The following PROS1 variants were observed in gnomAD, a reference collection of about 807,000 sequenced individuals.
PROS1 encodes the protein protein S, also known as vitamin K-dependent protein S.
PROS1 carries 29 observed loss-of-function variants against 75.9 expected under a neutral mutation model. The ratio of observed to expected loss-of-function variants is 0.38; its 90% CI spans 0.28 to 0.52. PROS1 has a LOEUF of 0.52. Among genes scored for constraint, PROS1 ranks in the 20% least tolerant of loss-of-function variants. PROS1 has a pLI of 0.83. For synonymous variants in PROS1, 245 were observed against 280.6 expected (o/e 0.87, Z 1.27); for missense variants, 680 against 810.3 (o/e 0.84, Z 1.95).
intron 1 of PROS1, among the ~76,000 whole-genome samples, chr3:93,938,232 G>T (rs1489847257): frequency 6.6e-6 from 1 of 152,020 alleles, no homozygotes; most frequent in African/African-American, 2.4e-5. Context: ...CCCCCATTGA[G>T]CACCTTGTAA....
At chr3:93,907,128 C>T (rs1708688258) in intron 4 of PROS1, among the ~76,000 whole-genome samples, 1 of 152,242 alleles carries the variant, frequency 6.6e-6, no homozygotes. Context: ...GCTACCAGTC[C>T]TGCTGACTGA....
At chr3:93,952,841 TA>T (rs1038943500) in intron 1 of PROS1, among the ~76,000 whole-genome samples, 1 of 151,824 alleles carries the variant, frequency 6.6e-6, no homozygotes, top group Non-Finnish European at 1.5e-5. Context: ...GTGAGACTAA[TA>T]AAGAAGAAAA....
intron 2 of PROS1, among the ~76,000 whole-genome samples, chr3:93,926,180 A>G (rs1709013436): frequency 6.6e-6 from 1 of 152,228 alleles, no homozygotes; most frequent in Non-Finnish European, 1.5e-5. Context: ...AAATAGGTAA[A>G]ACAAGAATGG....
At chr3:93,926,716 C>G (rs143321264) in intron 2 of PROS1, among the ~76,000 whole-genome samples, 1 of 152,230 alleles carries the variant, frequency 6.6e-6, no homozygotes, top group Non-Finnish European at 1.5e-5. Context: ...CATGCGTGCG[C>G]GCGCACACGC....
At chr3:93,968,084 A>G (rs1214152680) in intron 1 of PROS1, 2 of 152,198 alleles carry the variant, frequency 1.3e-5, no homozygotes, top group Non-Finnish European at 2.9e-5. Context: ...TAAAGGGAAA[A>G]AGGAAAGAAG....
At chr3:93,946,165 C>T (rs1431562010) in intron 1 of PROS1, among the ~76,000 whole-genome samples, 1 of 152,142 alleles carries the variant, frequency 6.6e-6, no homozygotes, top group African/African-American at 2.4e-5. Context: ...AGGATACAAA[C>T]AAATGGAAGA....
intron 1 of PROS1, among the ~76,000 whole-genome samples, chr3:93,955,186 G>A (rs1709578309): frequency 6.6e-6 from 1 of 152,190 alleles, no homozygotes; most frequent in Non-Finnish European, 1.5e-5. Flanking sequence ...CAAGGATCTA[G>A]AACTAGAAAT....
chr3:93,893,023 A>G lies in PROS1; in HGVS notation c.1065T>C (p.Arg355=). The change falls in exon 10 of 15, where the codon CGT becomes CGC. Residue 355 remains arginine (R), a synonymous_variant. Coordinates refer to ENST00000394236, the MANE Select transcript of PROS1 (RefSeq NM_000313.4). ...TAAGCTGAACTTCAATCTTTCCACC[A>G]CGAAGTGCAATCAGGAGCCACGCTG... is the stretch of plus-strand genomic sequence containing the variant. ...DHSAWLLIAL[R]GGKIEVQLKN... 6.2e-7 allele frequency: 1 copy of G among 1,613,890 alleles called. No individual in the cohort carries two copies. The highest frequency in any genetic ancestry group is 8.5e-7 in the Non-Finnish European group (1 of 1,179,892).
At chr3:93,967,627 T>G (rs891635174) in intron 1 of PROS1, among the ~76,000 whole-genome samples, 1 of 152,220 alleles carries the variant, frequency 6.6e-6, no homozygotes. Context: ...GGCTCACACC[T>G]GTAATCCCAG....
At chr3:93,919,488 A>G (rs967490105) in intron 3 of PROS1, among the ~76,000 whole-genome samples, 1 of 151,714 alleles carries the variant, frequency 6.6e-6, no homozygotes, top group African/African-American at 2.4e-5. Flanking sequence ...AAAAATAAAC[A>G]TTTATAAATA....
chr3:93,954,564 C>A (rs567036184), intron 1 of PROS1, among the ~76,000 whole-genome samples: 8 of 152,226 alleles, frequency 5.3e-5, no homozygotes, highest in African/African-American at 1.9e-4. Flanking sequence ...ACACCTTATA[C>A]AAAAATTAAT....
At chr3:93,900,975 C>A in intron 6 of PROS1, 46 bp from the exon 7 acceptor site, 6 of 1,586,556 alleles carry the variant, frequency 3.8e-6, no homozygotes, top group Non-Finnish European at 4.3e-6. Context: ...CCCATACCAG[C>A]AGACACTACC....
intron 1 of PROS1, among the ~76,000 whole-genome samples, chr3:93,949,745 T>G (rs1356990785): frequency 6.6e-6 from 1 of 152,188 alleles, no homozygotes; most frequent in Non-Finnish European, 1.5e-5. Flanking sequence ...TAGGAACAGC[T>G]TCAGTCTACA....
chr3:93,925,353 A>G (rs1709000813), intron 2 of PROS1, among the ~76,000 whole-genome samples: 1 of 152,166 alleles, frequency 6.6e-6, no homozygotes, highest in Admixed American at 6.5e-5. Context: ...CCTACACAAT[A>G]GATAATGGGA....
At chr3:93,953,490 C>T (rs114806881) in intron 1 of PROS1, among the ~76,000 whole-genome samples, 6,327 of 152,246 alleles carry the variant, frequency 0.042, 181 homozygotes, top group Non-Finnish European at 0.063. Context: ...ACGATTATAT[C>T]AATAGATGCA....
At chr3:93,906,710 C>G (rs1708681304) in intron 4 of PROS1, among the ~76,000 whole-genome samples, 1 of 152,230 alleles carries the variant, frequency 6.6e-6, no homozygotes, top group African/African-American at 2.4e-5. Flanking sequence ...CTGGGCATCT[C>G]TGTACTCTTG....
chr3:93,883,082 C>A (rs957614639), intron 12 of PROS1, among the ~76,000 whole-genome samples: 5 of 152,160 alleles, frequency 3.3e-5, no homozygotes, highest in African/African-American at 1.2e-4. Flanking sequence ...GAAAATTCCA[C>A]ACTCCTGAGA....
chr3:93,938,122 C>G (rs1190406962), intron 1 of PROS1, among the ~76,000 whole-genome samples: 2 of 152,162 alleles, frequency 1.3e-5, no homozygotes, highest in African/African-American at 2.4e-5. Flanking sequence ...ATCCAGATGG[C>G]CTGAAGCAAG....
intron 1 of PROS1, among the ~76,000 whole-genome samples, chr3:93,940,623 C>T (rs979382254): frequency 2.0e-5 from 3 of 152,048 alleles, no homozygotes; most frequent in African/African-American, 7.2e-5. Context: ...ACCCTTCTTC[C>T]CAACCCAAAG....
Sources: gnomAD v4.1 joint callset for allele counts (sites outside exome capture counted in the v4.1 genomes callset) on GRCh38, gnomAD v4.1.1 for gene constraint, MANE v1.5 for transcripts, NCBI Gene and HGNC (gene_info 2026-07-23, HGNC 2026-07-21) for gene names.